Variants in SSBP2 observed in about 807,000 individuals in gnomAD.
The protein encoded by SSBP2 is single-stranded DNA-binding protein 2.
In SSBP2, 17 loss-of-function variants were observed where a neutral mutation model predicts 61.8. The observed-to-expected ratio is 0.28, with a 90% confidence interval of 0.19 to 0.41. The LOEUF (loss-of-function observed/expected upper bound fraction) is 0.41. Ranked by LOEUF, SSBP2 falls within the 10% of genes least tolerant of loss-of-function variation. SSBP2 has a pLI of 1.00. For synonymous variants in SSBP2, 139 were observed against 141.3 expected (o/e 0.98, Z 0.12); for missense variants, 310 against 458.7 (o/e 0.68, Z 2.96).
At chr5:81,713,772 A>G (rs1249147418) in intron 1 of SSBP2, among the ~76,000 whole-genome samples, 2 of 152,136 alleles carry the variant, frequency 1.3e-5, no homozygotes, top group Non-Finnish European at 2.9e-5. Context: ...AAGCAAGCAA[A>G]CAAACAAACA....
intron 4 of SSBP2, among the ~76,000 whole-genome samples, chr5:81,592,335 C>T (rs1304534144): frequency 3.3e-5 from 5 of 152,230 alleles, no homozygotes; most frequent in South Asian, 2.1e-4. Context: ...GTAAACAAAG[C>T]GGCTGGTAAG....
intron 4 of SSBP2, among the ~76,000 whole-genome samples, chr5:81,605,870 G>C (rs1744833823): frequency 6.6e-6 from 1 of 152,068 alleles, no homozygotes; most frequent in African/African-American, 2.4e-5. Context: ...AATATTAGAA[G>C]AAAACCTAAC....
chr5:81,514,003 A>G (rs1419677289), intron 4 of SSBP2, among the ~76,000 whole-genome samples: 1 of 152,216 alleles, frequency 6.6e-6, no homozygotes, highest in South Asian at 2.1e-4. Flanking sequence ...ACAAAATAAT[A>G]AAAGCTTTAG....
chr5:81,602,047 C>A (rs1337542667), intron 4 of SSBP2, among the ~76,000 whole-genome samples: 1 of 152,114 alleles, frequency 6.6e-6, no homozygotes, highest in Non-Finnish European at 1.5e-5. Flanking sequence ...GTACCTTGAT[C>A]AGAGCCCAGT....
intron 12 of SSBP2, among the ~76,000 whole-genome samples, chr5:81,443,492 AATG>A (rs1561404920): frequency 6.6e-6 from 1 of 152,200 alleles, no homozygotes; most frequent in South Asian, 2.1e-4. Context: ...AGAAAATATA[AATG>A]ATAAATTATG....
At chr5:81,458,982 T>C (rs572287901) in intron 10 of SSBP2, among the ~76,000 whole-genome samples, 2 of 152,270 alleles carry the variant, frequency 1.3e-5, no homozygotes, top group East Asian at 1.9e-4. Context: ...TCTCATACTT[T>C]GAGTAAGGGT....
intron 1 of SSBP2, among the ~76,000 whole-genome samples, chr5:81,681,425 C>T (rs373056269): frequency 2.7e-5 from 4 of 150,350 alleles, no homozygotes; most frequent in African/African-American, 7.3e-5. Context: ...GAGGCTGAGA[C>T]GGAAGAATCG....
intron 9 of SSBP2, 85 bp downstream of exon 9, chr5:81,466,884 ACACTT>A (rs1764926777): frequency 1.3e-6 from 1 of 763,532 alleles, no homozygotes; most frequent in Non-Finnish European, 1.9e-6. Context: ...AGAAAATAGA[ACACTT>A]TACTAAATAG....
chr5:81,637,864 C>T (rs1166059366), intron 2 of SSBP2, among the ~76,000 whole-genome samples: 3 of 152,132 alleles, frequency 2.0e-5, no homozygotes, highest in African/African-American at 4.8e-5. Flanking sequence ...GAATGTCCAA[C>T]AATGATAGAC....
intron 1 of SSBP2, among the ~76,000 whole-genome samples, chr5:81,743,956 G>C (rs530926075): frequency 1.3e-5 from 2 of 152,256 alleles, no homozygotes; most frequent in South Asian, 4.1e-4. Context: ...TGTTATGTGA[G>C]ATTTACTTTT....
intron 4 of SSBP2, among the ~76,000 whole-genome samples, chr5:81,610,123 C>A (rs977638415): frequency 4.6e-5 from 7 of 152,178 alleles, no homozygotes; most frequent in Admixed American, 2.0e-4. Flanking sequence ...CCCAGCCCAG[C>A]CACAGACTGA....
At chr5:81,714,262 AT>A (rs1158527480) in intron 1 of SSBP2, among the ~76,000 whole-genome samples, 3 of 152,172 alleles carry the variant, frequency 2.0e-5, no homozygotes, top group Non-Finnish European at 4.4e-5. Flanking sequence ...GTTGTATAGT[AT>A]TCCATGGTGT....
At chr5:81,618,413 T>C (rs1270576823) in intron 3 of SSBP2, among the ~76,000 whole-genome samples, 5 of 74,026 alleles carry the variant, frequency 6.8e-5, no homozygotes, top group African/African-American at 2.2e-4. Flanking sequence ...CTATCCTAAA[T>C]ATTTATGCAC....
intron 4 of SSBP2, among the ~76,000 whole-genome samples, chr5:81,569,385 A>T (rs1773677876): frequency 6.6e-6 from 1 of 152,184 alleles, no homozygotes. Context: ...ACAAAAGTAG[A>T]CTGGGGAGTG....
In SSBP2 at chr5:81,454,277, G is replaced by A. The variant is rs181149442; in HGVS notation, c.688-5452C>T. ...CGGATTGTCTTGGGATTTTGTTCAC[G>A]GCATGGCACTAGAGGAAAGTTCCAG... On this transcript the variant is annotated intron_variant, in intron 10 of 16. Coordinates refer to ENST00000320672, the MANE Select transcript of SSBP2 (RefSeq NM_012446.5). Among the ~76,000 whole-genome samples the A allele has an allele frequency of 6.6e-5, 10 of 152,236 alleles. No individual in the cohort carries two copies. The Middle Eastern group carries it at 0.01, about 155-fold the overall frequency.
At position 81,489,247 on chromosome 5, in the gene SSBP2, T is replaced by C. The variant is rs1234280722; in HGVS notation, c.432+3A>G. Reference sequence around the variant, plus strand: ...AAAAACTTACATAGCACATAAATCTTACCTGATTAGGTATCCTCAATGGGG... The same window carrying C: ...AAAAACTTACATAGCACATAAATCTCACCTGATTAGGTATCCTCAATGGGG... On this transcript the variant is annotated splice_donor_region_variant and intron_variant, in intron 6 of 16. Transcript: ENST00000320672. 6.2e-7 allele frequency: 1 copy of C among 1,608,464 alleles called. No homozygotes were observed. Among genetic ancestry groups the C allele is most frequent in the South Asian group, 1.1e-5 (1 of 89,890 alleles).
At chr5:81,484,030 G>C (rs551433990) in intron 6 of SSBP2, among the ~76,000 whole-genome samples, 1 of 152,174 alleles carries the variant, frequency 6.6e-6, no homozygotes, top group South Asian at 2.1e-4. Flanking sequence ...TAGAATGTCA[G>C]CTCCACAAGA....
At chr5:81,428,114 C>T (rs545489488) in intron 16 of SSBP2, among the ~76,000 whole-genome samples, 103 of 152,212 alleles carry the variant, frequency 6.8e-4, no homozygotes, top group Non-Finnish European at 9.7e-4. Context: ...TTTTGTGTAA[C>T]AGTACAATCA....
At chr5:81,450,403 C>T (rs947632724) in intron 10 of SSBP2, among the ~76,000 whole-genome samples, 11 of 152,164 alleles carry the variant, frequency 7.2e-5, no homozygotes, top group African/African-American at 1.9e-4. Flanking sequence ...TTTCATCTCT[C>T]TCTGTCTTTA....
Sources: gnomAD v4.1 joint callset for allele counts (sites outside exome capture counted in the v4.1 genomes callset) on GRCh38, gnomAD v4.1.1 for gene constraint, MANE v1.5 for transcripts, NCBI Gene and HGNC (gene_info 2026-07-23, HGNC 2026-07-21) for gene names.